Variants in SHROOM3 observed in about 807,000 individuals in gnomAD.
SHROOM3 encodes protein Shroom3.
A neutral mutation model predicts 138.6 loss-of-function variants in SHROOM3; 47 were observed. The observed-to-expected ratio is 0.34, with a 90% confidence interval of 0.27 to 0.43. The LOEUF is 0.43. Ranked by LOEUF, SHROOM3 falls within the 20% of genes least tolerant of loss-of-function variation. The probability of loss-of-function intolerance (pLI) is 1.00; values close to 1 mark genes in which losing one functional copy is unlikely to be tolerated. For synonymous variants in SHROOM3, 1,062 were observed against 1,063.3 expected (o/e 1.00, Z 0.02); for missense variants, 2,491 against 2,596.5 (o/e 0.96, Z 0.88).
intron 2 of SHROOM3, among the ~76,000 whole-genome samples, chr4:76,675,539 T>C (rs959859852): frequency 6.6e-6 from 1 of 152,044 alleles, no homozygotes; most frequent in Admixed American, 6.6e-5. Flanking sequence ...AATCTTACTG[T>C]CTAGTTGTCA....
chr4:76,733,437 G>T (rs557146111), intron 4 of SHROOM3, among the ~76,000 whole-genome samples: 86 of 152,228 alleles, frequency 5.6e-4, no homozygotes, highest in African/African-American at 2.0e-3. Flanking sequence ...CACTGCATGG[G>T]GACAAAAGGA....
intron 2 of SHROOM3, among the ~76,000 whole-genome samples, chr4:76,578,423 AAG>A (rs1018523196): frequency 2.6e-5 from 4 of 152,220 alleles, no homozygotes; most frequent in African/African-American, 9.6e-5. Context: ...TATCAGAAAG[AAG>A]AGGTGTGTGA....
chr4:76,508,485 A>G (rs192550442), intron 1 of SHROOM3, among the ~76,000 whole-genome samples: 1 of 152,286 alleles, frequency 6.6e-6, no homozygotes, highest in East Asian at 1.9e-4. Flanking sequence ...ATTTGAAAGT[A>G]TGTCTTCCAA....
In SHROOM3 at chr4:76,739,533, C is replaced by A; in HGVS notation, c.1360C>A (p.Gln454Lys). 6.2e-7 allele frequency: 1 copy of A among 1,614,152 alleles called. No individual in the cohort carries two copies. The highest frequency in any genetic ancestry group is 8.5e-7 in the Non-Finnish European group (1 of 1,180,002). The change falls in exon 5 of 11, where the codon CAG becomes AAG. Residue 454 changes from glutamine (Q) to lysine (K), a missense_variant. Physicochemically the swap from Gln to Lys is moderately conservative, Grantham distance 53 (BLOSUM62 1). This residue lies in a region of SHROOM3 where 1,733 missense variants were observed against 1,661.6 expected (regional missense o/e 1.04). Coordinates refer to ENST00000296043, the MANE Select transcript of SHROOM3 (RefSeq NM_020859.4). ...PPVKPKHNYT[Q>K]KAQPGQPLLP... ...AGTGAAGCCCAAGCATAACTATACC[C>A]AGAAGGCCCAACCTGGCCAACCTCT... is the stretch of plus-strand genomic sequence containing the variant.
rs1171672138 is a variant in SHROOM3 at position 76,697,602 on chromosome 4, G to C, written c.324-12554G>C. Among the ~76,000 whole-genome samples, 3 of 152,144 alleles carry C rather than the reference G, an allele frequency of 2.0e-5. No individual in the cohort carries two copies. The East Asian group carries it at 5.8e-4, about 29-fold the overall frequency. Reference sequence around the variant, plus strand: ...GTCCAAGCTTTACCACTTCCTTTGTGATCTTGAGCAGGTTATTTAAGTTAC... The same window carrying C: ...GTCCAAGCTTTACCACTTCCTTTGTCATCTTGAGCAGGTTATTTAAGTTAC... On this transcript the variant is annotated intron_variant, in intron 2 of 10. Transcript: ENST00000296043.
intron 2 of SHROOM3, among the ~76,000 whole-genome samples, chr4:76,568,825 G>A (rs1733779806): frequency 6.6e-6 from 1 of 152,192 alleles, no homozygotes; most frequent in Non-Finnish European, 1.5e-5. Context: ...CTGTGCAGCG[G>A]TTAGGAGCAC....
At position 76,779,259 on chromosome 4, in the gene SHROOM3, G is replaced by A; in HGVS notation, c.*82G>A. The A allele has an allele frequency of 6.7e-7, 1 of 1,498,042 alleles. No individual in the cohort carries two copies. Among genetic ancestry groups the A allele is most frequent in the Non-Finnish European group, 8.9e-7 (1 of 1,123,442 alleles). 92.8% of individuals were successfully genotyped at this position (1,498,042 alleles called of 1,614,324 possible). The stretch of plus-strand genomic sequence containing the variant: ...GAAAAATGTTTCAGTACAAACCACT[G>A]TTTGAACTATCTGGGTTATTGGTGT... On this transcript the variant is annotated 3_prime_UTR_variant, in exon 11 of 11. Transcript: ENST00000296043.
rs966515883 is a variant in SHROOM3, at chr4:76,448,052, A to T, written c.168+11832A>T. ...TAAAAAAGAAAAAAATACATTATTTATATTTAAATAAATAAAATTATTTAT... is the reference window on the plus strand; with the variant it reads ...TAAAAAAGAAAAAAATACATTATTTTTATTTAAATAAATAAAATTATTTAT... On this transcript the variant is annotated intron_variant, in intron 1 of 10. Coordinates refer to ENST00000296043, the MANE Select transcript of SHROOM3 (RefSeq NM_020859.4). Among the ~76,000 whole-genome samples, 4 of 152,120 alleles carry T rather than the reference A, an allele frequency of 2.6e-5. No homozygotes were observed. In the East Asian group the frequency reaches 7.7e-4, roughly 29 times the overall value.
chr4:76,706,616 G>A (rs1016469492), intron 2 of SHROOM3, among the ~76,000 whole-genome samples: 1 of 152,102 alleles, frequency 6.6e-6, no homozygotes, highest in African/African-American at 2.4e-5. Context: ...CAGGAGAGGT[G>A]GATACAGTTG....
chr4:76,689,384 G>GA (rs1553937027), intron 2 of SHROOM3, among the ~76,000 whole-genome samples: 2 of 125,474 alleles, frequency 1.6e-5, no homozygotes, highest in African/African-American at 2.9e-5. Flanking sequence ...GAGCCAGCGC[G>GA]GCCCCTCGGG....
chr4:76,759,793 G>A lies in SHROOM3; in HGVS notation c.5349+98G>A, dbSNP rs1305043243. Reference sequence around the variant, plus strand: ...TGACTGGGCCTCTTGAGGCAGGTGGGGAAAGGACCTGTCACATCACCAGAT... The same window carrying A: ...TGACTGGGCCTCTTGAGGCAGGTGGAGAAAGGACCTGTCACATCACCAGAT... On this transcript the variant is annotated intron_variant, in intron 9 of 10. Transcript: ENST00000296043. 10 of 1,410,156 alleles carry A rather than the reference G, an allele frequency of 7.1e-6. No individual in the cohort carries two copies. The East Asian group carries it at 2.0e-4, about 28-fold the overall frequency. 87.4% of individuals were successfully genotyped at this position (1,410,156 alleles called of 1,614,324 possible).
At chr4:76,528,001 T>A (rs1371357566) in intron 1 of SHROOM3, among the ~76,000 whole-genome samples, 2 of 152,214 alleles carry the variant, frequency 1.3e-5, no homozygotes, top group Non-Finnish European at 2.9e-5. Flanking sequence ...TGCCTACTAC[T>A]ACATCTTCTT....
chr4:76,448,506 G>T (rs1412644886), intron 1 of SHROOM3, among the ~76,000 whole-genome samples: 2 of 152,118 alleles, frequency 1.3e-5, no homozygotes, highest in Non-Finnish European at 2.9e-5. Flanking sequence ...AACTGGAGTT[G>T]GTACGTAAGC....
intron 1 of SHROOM3, among the ~76,000 whole-genome samples, chr4:76,483,652 AC>A (rs1731666213): frequency 1.3e-5 from 2 of 152,240 alleles, no homozygotes; most frequent in Non-Finnish European, 1.5e-5. Flanking sequence ...CTGGGTATAT[AC>A]CCAAAGGATT....
chr4:76,593,632 T>C (rs1332749644), intron 2 of SHROOM3, among the ~76,000 whole-genome samples: 1 of 152,200 alleles, frequency 6.6e-6, no homozygotes, highest in Non-Finnish European at 1.5e-5. Context: ...TAAACTCTTT[T>C]TAAAAATTTG....
At chr4:76,627,178 A>G (rs892888063) in intron 2 of SHROOM3, among the ~76,000 whole-genome samples, 1 of 152,108 alleles carries the variant, frequency 6.6e-6, no homozygotes, top group Non-Finnish European at 1.5e-5. Flanking sequence ...TTTTCTCTGA[A>G]TATTATTCTC....
At chr4:76,772,677 TC>T (rs149411445) in intron 10 of SHROOM3, among the ~76,000 whole-genome samples, 268 of 152,280 alleles carry the variant, frequency 1.8e-3, no homozygotes, top group African/African-American at 6.2e-3. Flanking sequence ...CCTCCTTTCT[TC>T]CACTCGACAA....
At chr4:76,593,334 C>T (rs1389224860) in intron 2 of SHROOM3, among the ~76,000 whole-genome samples, 2 of 152,076 alleles carry the variant, frequency 1.3e-5, no homozygotes, top group Admixed American at 6.6e-5. Flanking sequence ...AAGAAATAAC[C>T]CCTAGAGGAT....
intron 2 of SHROOM3, among the ~76,000 whole-genome samples, chr4:76,564,597 C>A (rs953458578): frequency 1.3e-5 from 2 of 152,086 alleles, no homozygotes; most frequent in African/African-American, 4.8e-5. Flanking sequence ...AATAAGACTC[C>A]CTTACTGTAA....
Sources: allele counts gnomAD v4.1 joint callset (sites outside exome capture counted in the v4.1 genomes callset), GRCh38; gene constraint gnomAD v4.1.1; regional missense constraint gnomAD v4.1.1; transcripts MANE v1.5; gene names NCBI Gene and HGNC (gene_info 2026-07-23, HGNC 2026-07-21).